The following CUX1 variants were observed in gnomAD, a reference collection of about 807,000 sequenced individuals.
CUX1 encodes cut like homeobox 1, also known as protein CASP.
A neutral mutation model predicts 158.8 loss-of-function variants in CUX1; 31 were observed. The ratio of observed to expected loss-of-function variants is 0.20; its 90% CI spans 0.15 to 0.26. The LOEUF is 0.26. Among genes scored for constraint, CUX1 ranks in the 10% least tolerant of loss-of-function variants. The probability of loss-of-function intolerance (pLI) is 1.00; values close to 1 mark genes in which losing one functional copy is unlikely to be tolerated. For missense variants in CUX1, 1,589 were observed against 2,014.6 expected (o/e 0.79, Z 4.04); for synonymous variants, 879 against 862.1 (o/e 1.02, Z -0.34).
At chr7:102,108,891 G>A (rs1830631995) in intron 6 of CUX1, among the ~76,000 whole-genome samples, 1 of 151,920 alleles carries the variant, frequency 6.6e-6, no homozygotes, top group South Asian at 2.1e-4. Flanking sequence ...AATAGCTGGG[G>A]TTACAGGTGC....
At chr7:102,170,723 G>C (rs962898390) in intron 10 of CUX1, among the ~76,000 whole-genome samples, 173 bp downstream of exon 10, 1 of 152,188 alleles carries the variant, frequency 6.6e-6, no homozygotes, top group Non-Finnish European at 1.5e-5. Context: ...GCTTGTTAAA[G>C]TCGAAGGAAG....
chr7:102,139,244 TAAAAA>T (rs11459794), intron 8 of CUX1, among the ~76,000 whole-genome samples: 2 of 93,148 alleles, frequency 2.1e-5, no homozygotes, highest in East Asian at 3.0e-4. Flanking sequence ...GACTACATCT[TAAAAA>T]AAAAAAAAAA....
At chr7:102,122,667 G>A (rs1297213699) in intron 8 of CUX1, among the ~76,000 whole-genome samples, 1 of 152,180 alleles carries the variant, frequency 6.6e-6, no homozygotes, top group East Asian at 1.9e-4. Flanking sequence ...TCCTCTGAGC[G>A]CTGACGATTC....
chr7:101,888,056 G>A (rs930708858), intron 1 of CUX1, among the ~76,000 whole-genome samples: 4 of 152,140 alleles, frequency 2.6e-5, no homozygotes, highest in Admixed American at 1.3e-4. Flanking sequence ...TATTGAGGCC[G>A]GGTGTGGTGG....
At chr7:102,271,404 C>T (rs976235556) in intron 14 of CUX1, among the ~76,000 whole-genome samples, 18 of 152,206 alleles carry the variant, frequency 1.2e-4, no homozygotes, top group Non-Finnish European at 1.9e-4. Flanking sequence ...CTGGTGGTTT[C>T]CTCTCCCTAC....
intron 1 of CUX1, among the ~76,000 whole-genome samples, chr7:101,865,044 A>T (rs562832795): frequency 6.6e-6 from 1 of 152,304 alleles, no homozygotes; most frequent in African/African-American, 2.4e-5. Context: ...CCAAAATCAG[A>T]CCAATCCTCT....
In CUX1 at chr7:102,177,877, CAG is replaced by C. The variant is rs374861741; in HGVS notation, c.829-591_829-590del. On this transcript the variant is annotated intron_variant, in intron 10 of 23. Coordinates refer to ENST00000292535, the MANE Select transcript of CUX1 (RefSeq NM_181552.4). Reference sequence around the variant, plus strand: ...TGCTGGGCTGTAAGCCCTGGGAAGACAGGGACTTTTCTCCTGTTTTTTTTTGT... The same window carrying C: ...TGCTGGGCTGTAAGCCCTGGGAAGACGGACTTTTCTCCTGTTTTTTTTTGT... Among the ~76,000 whole-genome samples the C allele has an allele frequency of 2.8e-3, 392 of 138,604 alleles. 3 individuals carry two copies. Among genetic ancestry groups the C allele is most frequent in the African/African-American group, 0.011 (371 of 33,510 alleles). The allele number at this position is 138,604 out of a possible 152,430, so 90.9% of individuals were successfully genotyped here.
intron 2 of CUX1, among the ~76,000 whole-genome samples, chr7:101,982,263 G>C (rs1219237990): frequency 6.6e-6 from 1 of 152,190 alleles, no homozygotes; most frequent in Non-Finnish European, 1.5e-5. Flanking sequence ...AGTGTGCCCT[G>C]CTGCCTCGTT....
chr7:101,834,660 C>T (rs960455505), intron 1 of CUX1, among the ~76,000 whole-genome samples: 4 of 152,098 alleles, frequency 2.6e-5, no homozygotes, highest in Non-Finnish European at 5.9e-5. Flanking sequence ...ACAATACCTC[C>T]GTCCCGTAAC....
At chr7:101,914,396 TTCCC>T (rs1180902539) in intron 1 of CUX1, among the ~76,000 whole-genome samples, 17 of 95,518 alleles carry the variant, frequency 1.8e-4, no homozygotes, top group Admixed American at 6.0e-4. Flanking sequence ...CCCTCCCTCT[TTCCC>T]TCCCTCCCTC....
intron 20 of CUX1, among the ~76,000 whole-genome samples, chr7:102,208,341 T>G (rs1356582604): frequency 6.6e-6 from 1 of 152,184 alleles, no homozygotes; most frequent in Non-Finnish European, 1.5e-5. Context: ...CCTCCTGGGT[T>G]CAGGCGATTC....
chr7:101,896,305 C>A (rs746292487), intron 1 of CUX1, among the ~76,000 whole-genome samples: 12 of 152,260 alleles, frequency 7.9e-5, no homozygotes, highest in Non-Finnish European at 1.6e-4. Flanking sequence ...GGCCAGGAAG[C>A]AGGTGTGGGA....
At chr7:102,244,279 G>A (rs1554536093) in intron 23 of CUX1, among the ~76,000 whole-genome samples, 1 of 151,814 alleles carries the variant, frequency 6.6e-6, no homozygotes. Flanking sequence ...CTTTTCTCCT[G>A]TCCCACTGGA....
intron 4 of CUX1, among the ~76,000 whole-genome samples, chr7:102,093,681 G>T (rs1554483070): frequency 6.6e-6 from 1 of 152,196 alleles, no homozygotes; most frequent in Non-Finnish European, 1.5e-5. Flanking sequence ...AATATGTACA[G>T]TATTGTTGTT....
At chr7:102,259,753 A>AG (rs1554543213), downstream of CUX1, among the ~76,000 whole-genome samples, 2 of 27,588 alleles carry the variant, frequency 7.2e-5, no homozygotes, top group Non-Finnish European at 2.4e-4. Context: ...AAAAAAAAAA[A>AG]AAAAGAAAGA....
intron 23 of CUX1, among the ~76,000 whole-genome samples, chr7:102,240,452 C>G (rs1340683400): frequency 6.6e-6 from 1 of 151,788 alleles, no homozygotes; most frequent in Non-Finnish European, 1.5e-5. Flanking sequence ...AGACAGGGGT[C>G]TCGCTCTGTT....
chr7:102,204,594 C>G (rs569944097), intron 19 of CUX1, 38 bp downstream of exon 19: 49 of 1,603,090 alleles, frequency 3.1e-5, no homozygotes, highest in African/African-American at 1.5e-4. Flanking sequence ...GGCTGCCCCC[C>G]CATAGCAAGG....
intron 1 of CUX1, among the ~76,000 whole-genome samples, chr7:101,904,671 C>T (rs1007626549): frequency 4.0e-5 from 6 of 150,944 alleles, no homozygotes; most frequent in African/African-American, 1.5e-4. Flanking sequence ...CGGGTTCAAG[C>T]GATTCTCCTG....
At position 102,252,439 on chromosome 7, in the gene CUX1, C is replaced by A. The variant is rs1000114005; in HGVS notation, c.*3397C>A. Reference sequence around the variant, plus strand: ...TTTAAAAAGCTGATTTGTACCTCTCCCCTGGGGGAAACGGTTCCATATAAA... The same window carrying A: ...TTTAAAAAGCTGATTTGTACCTCTCACCTGGGGGAAACGGTTCCATATAAA... On this transcript the variant is annotated 3_prime_UTR_variant, in exon 24 of 24. Transcript: ENST00000292535. 3.0e-5 allele frequency: 30 copies of A among 985,340 alleles called. No homozygotes were observed. The African/African-American group carries it at 4.4e-4, about 14-fold the overall frequency. 61.0% of individuals were successfully genotyped at this position (985,340 alleles called of 1,614,324 possible). A position where few individuals can be genotyped will look rare whatever the true frequency, so the allele number is the denominator to read the frequency against.
Sources: allele counts gnomAD v4.1 joint callset (sites outside exome capture counted in the v4.1 genomes callset), GRCh38; gene constraint gnomAD v4.1.1; transcripts MANE v1.5; gene names NCBI Gene and HGNC (gene_info 2026-07-23, HGNC 2026-07-21).